The following MMP24 variants were observed in gnomAD, a reference collection of about 807,000 sequenced individuals.
The protein encoded by MMP24 is matrix metallopeptidase 24.
In MMP24, 25 loss-of-function variants were observed where a neutral mutation model predicts 62.8. That is an observed-to-expected ratio of 0.40 (90% CI 0.29 to 0.56). The LOEUF (loss-of-function observed/expected upper bound fraction) is 0.56. MMP24 is among the 20% of genes least tolerant of loss of function. The pLI is 0.50. For missense variants in MMP24, 634 were observed against 853.6 expected, an observed-to-expected ratio of 0.74 and a Z score of 3.21; for synonymous variants, 319 against 350.5, an observed-to-expected ratio of 0.91 and a Z score of 1.00.
chr20:35,275,375 G>A lies in MMP24; in HGVS notation c.*766G>A, dbSNP rs1464577377. 6 of 152,256 alleles carry A rather than the reference G, an allele frequency of 3.9e-5. No individual in the cohort carries two copies. The highest frequency in any genetic ancestry group is 8.8e-5 in the Non-Finnish European group (6 of 68,128). 9.4% of individuals were successfully genotyped at this position (152,256 alleles called of 1,614,324 possible). Reference sequence around the variant, plus strand: ...CTAGAGGTGACTGTCTTGGTGATGAGGCCAGCATAGCGGCCCTCCCCCAGG... The same window carrying A: ...CTAGAGGTGACTGTCTTGGTGATGAAGCCAGCATAGCGGCCCTCCCCCAGG... On this transcript the variant is annotated 3_prime_UTR_variant, in exon 9 of 9. Coordinates refer to ENST00000246186, the MANE Select transcript of MMP24 (RefSeq NM_006690.4).
At chr20:35,244,387 G>T (rs1216116131) in intron 1 of MMP24, among the ~76,000 whole-genome samples, 1 of 151,130 alleles carries the variant, frequency 6.6e-6, no homozygotes, top group Non-Finnish European at 1.5e-5. Flanking sequence ...CATATTTCCT[G>T]GTACTCTTGT....
chr20:35,237,834 C>T (rs2060470917), intron 1 of MMP24, among the ~76,000 whole-genome samples: 1 of 152,146 alleles, frequency 6.6e-6, no homozygotes, highest in Admixed American at 6.5e-5. Flanking sequence ...TACAGTCTAA[C>T]TCTGTGGAGG....
chr20:35,270,044 C>A, intron 7 of MMP24, 146 bp downstream of exon 7: 2 of 1,082,758 alleles, frequency 1.8e-6, no homozygotes, highest in Non-Finnish European at 1.3e-6. Flanking sequence ...TCTGACAAAT[C>A]AAGTCAGAAA....
chr20:35,230,572 C>T (rs906717690), intron 1 of MMP24, among the ~76,000 whole-genome samples: 8 of 152,174 alleles, frequency 5.3e-5, no homozygotes, highest in Admixed American at 3.3e-4. Flanking sequence ...GTACTTTCTT[C>T]GGTAGAAATC....
chr20:35,236,393 A>C (rs1326316668), intron 1 of MMP24, among the ~76,000 whole-genome samples: 1 of 152,216 alleles, frequency 6.6e-6, no homozygotes, highest in African/African-American at 2.4e-5. Flanking sequence ...ATGTTAAATT[A>C]GATGATCTCT....
At chr20:35,238,499 A>T (rs2060474015) in intron 1 of MMP24, among the ~76,000 whole-genome samples, 1 of 152,184 alleles carries the variant, frequency 6.6e-6, no homozygotes, top group Non-Finnish European at 1.5e-5. Context: ...TAGAAGGAAC[A>T]ATACGTGTAA....
chr20:35,271,112 T>C lies in MMP24; in HGVS notation c.1334-457T>C, dbSNP rs1475458245. On this transcript the variant is annotated intron_variant, in intron 7 of 8. Coordinates refer to ENST00000246186, the MANE Select transcript of MMP24 (RefSeq NM_006690.4). The surrounding 1 kb of genome is among the most constrained non-coding windows in gnomAD (Gnocchi z 4.0). ...TCAACAGTGAGGCTAGGACTCCCTG[T>C]TGGGGACCTGGGAGGCAGAAGGTGA... Among the ~76,000 whole-genome samples the C allele has an allele frequency of 1.3e-5, 2 of 152,046 alleles. No individual in the cohort carries two copies. The highest frequency in any genetic ancestry group is 4.8e-5 in the African/African-American group (2 of 41,400).
Position 35,254,663 on chromosome 20 carries a change from G to A in MMP24, c.726G>A (p.Leu242=), listed in dbSNP as rs556689699. The A allele has an allele frequency of 1.9e-6, 3 of 1,614,190 alleles. 1 individual carries two copies. The highest frequency in any genetic ancestry group is 2.7e-5 in the African/African-American group (2 of 75,052). The change falls in exon 4 of 9, where the codon CTG becomes CTA. Residue 242 remains leucine, a synonymous_variant. Transcript: ENST00000246186. ...SSPFDGEGGF[L]AHAYFPGPGI... ...CATTTGATGGAGAAGGGGGATTCCT[G>A]GCCCATGCCTACTTCCCTGGCCCAG...
At chr20:35,253,664 T>C (rs1327725937) in intron 3 of MMP24, among the ~76,000 whole-genome samples, 2 of 152,262 alleles carry the variant, frequency 1.3e-5, no homozygotes, top group East Asian at 3.9e-4. Flanking sequence ...GCTAAACAGC[T>C]AAACCTATAA....
rs1250896960 is a variant in MMP24 at position 35,271,974 on chromosome 20, C to T, written c.1600+139C>T. 1 of 947,144 alleles carries T rather than the reference C, an allele frequency of 1.1e-6. No individual in the cohort carries two copies. Among genetic ancestry groups the T allele is most frequent in the East Asian group, 2.6e-5 (1 of 37,824 alleles). 58.7% of individuals were successfully genotyped at this position (947,144 alleles called of 1,614,324 possible). ...TGGCAGACAACTGCCTCATATCTAC[C>T]CATGTTCACGTGGTCCATTAATTCA... is the stretch of plus-strand genomic sequence containing the variant. On this transcript the variant is annotated intron_variant, in intron 8 of 8. Transcript: ENST00000246186. This position sits in a 1 kb window ranked among gnomAD's most constrained non-coding sequence, Gnocchi z 4.0.
intron 4 of MMP24, among the ~76,000 whole-genome samples, 153 bp downstream of exon 4, chr20:35,254,907 T>G (rs2146220321): frequency 6.6e-6 from 1 of 152,298 alleles, no homozygotes; most frequent in Middle Eastern, 3.4e-3. Flanking sequence ...CTGATAATAT[T>G]CAACGTTCAA....
rs958165527 is a variant in MMP24, at chr20:35,276,194, T to C, written c.*1585T>C. 2.5e-6 allele frequency: 1 copy of C among 398,628 alleles called. No homozygotes were observed. The highest frequency in any genetic ancestry group is 4.4e-6 in the Non-Finnish European group (1 of 226,100). 24.7% of individuals were successfully genotyped at this position (398,628 alleles called of 1,614,324 possible). A position where few individuals can be genotyped will look rare whatever the true frequency, so the allele number is the denominator to read the frequency against. On this transcript the variant is annotated 3_prime_UTR_variant, in exon 9 of 9. Transcript: ENST00000246186. ...CAGGGACTCCTGCTGCCCTGGGAGC[T>C]GTCTCAAGCAAAATCTCTTGTCCCA...
chr20:35,244,960 T>C (rs751255548), intron 1 of MMP24, among the ~76,000 whole-genome samples: 20 of 152,132 alleles, frequency 1.3e-4, no homozygotes, highest in Admixed American at 3.9e-4. Flanking sequence ...AAAAAAAAAG[T>C]TATGACATCA....
chr20:35,254,432 C>T lies in MMP24; in HGVS notation c.513-18C>T. 1 of 1,601,050 alleles carries T rather than the reference C, an allele frequency of 6.2e-7. No individual in the cohort carries two copies. Among genetic ancestry groups the T allele is most frequent in the Non-Finnish European group, 8.5e-7 (1 of 1,170,880 alleles). On this transcript the variant is annotated intron_variant, in intron 3 of 8. Transcript: ENST00000246186. ...TGACTCTCTGATCTTGCCTAATGAT[C>T]CTCCCCTCTCTCACCAGCATTCACA...
intron 1 of MMP24, among the ~76,000 whole-genome samples, chr20:35,234,194 C>G (rs767687128): frequency 2.6e-5 from 4 of 152,124 alleles, no homozygotes; most frequent in Non-Finnish European, 4.4e-5. Context: ...TCATTCTCAG[C>G]CTTCACCTAG....
intron 1 of MMP24, among the ~76,000 whole-genome samples, chr20:35,229,302 TA>T (rs1473876208): frequency 6.6e-6 from 1 of 152,188 alleles, no homozygotes; most frequent in Non-Finnish European, 1.5e-5. Flanking sequence ...TTCACTTTGC[TA>T]TATTTCTTCT....
intron 1 of MMP24, among the ~76,000 whole-genome samples, chr20:35,244,272 G>A (rs2060502341): frequency 6.6e-6 from 1 of 152,112 alleles, no homozygotes; most frequent in African/African-American, 2.4e-5. Flanking sequence ...CTCTGAGGAT[G>A]GGAAACAGGG....
intron 1 of MMP24, among the ~76,000 whole-genome samples, chr20:35,237,547 A>C (rs1280802851): frequency 6.6e-6 from 1 of 152,206 alleles, no homozygotes; most frequent in Non-Finnish European, 1.5e-5. Context: ...AAGGCAACAT[A>C]TTCCCAGGTT....
At chr20:35,248,941 G>C (rs908844119) in intron 2 of MMP24, among the ~76,000 whole-genome samples, 1 of 152,184 alleles carries the variant, frequency 6.6e-6, no homozygotes, top group Non-Finnish European at 1.5e-5. Flanking sequence ...AAAGCCCCAG[G>C]CCTGTTGGAT....
Sources: allele counts gnomAD v4.1 joint callset (sites outside exome capture counted in the v4.1 genomes callset), GRCh38; gene constraint gnomAD v4.1.1; non-coding constraint Gnocchi (gnomAD v3.1); transcripts MANE v1.5; gene names NCBI Gene and HGNC (gene_info 2026-07-23, HGNC 2026-07-21).